METAP1D: variants seen among roughly 807,000 people sequenced by gnomAD.
METAP1D encodes the protein methionyl aminopeptidase type 1D, mitochondrial.
In METAP1D, 31 loss-of-function variants were observed where a neutral mutation model predicts 40.5. That is an observed-to-expected ratio of 0.77 (90% CI 0.58 to 1.03). The LOEUF (loss-of-function observed/expected upper bound fraction) is 1.03, where lower values mean the gene tolerates loss of function less well. METAP1D is among the 50% of genes least tolerant of loss of function. The pLI, the probability that METAP1D is intolerant of heterozygous loss-of-function variation, is 0.00. For synonymous variants in METAP1D, 151 were observed against 146.4 expected, an observed-to-expected ratio of 1.03 and a Z score of -0.22; for missense variants, 411 against 420.7, an observed-to-expected ratio of 0.98 and a Z score of 0.20.
intron 1 of METAP1D, among the ~76,000 whole-genome samples, chr2:172,045,701 G>A (rs201998888): frequency 4.3e-5 from 3 of 70,442 alleles, no homozygotes; most frequent in Middle Eastern, 8.5e-3. Flanking sequence ...TCATATATAT[G>A]TGTGTGTGTG....
At chr2:172,011,284 T>A (rs535452735) in intron 1 of METAP1D, among the ~76,000 whole-genome samples, 97 of 140,220 alleles carry the variant, frequency 6.9e-4, no homozygotes, top group Non-Finnish European at 1.4e-3. Flanking sequence ...TCTTTCTGTT[T>A]CTTTTTTTTT....
At chr2:172,042,672 CGTGTGT>C (rs1194302006) in intron 1 of METAP1D, among the ~76,000 whole-genome samples, 1 of 12,822 alleles carries the variant, frequency 7.8e-5, no homozygotes, top group African/African-American at 1.8e-4. Flanking sequence ...TACACATATA[CGTGTGT>C]ATGTGTATAT....
intron 5 of METAP1D, among the ~76,000 whole-genome samples, chr2:172,068,028 A>G (rs1036670057): frequency 5.3e-5 from 8 of 152,196 alleles, no homozygotes; most frequent in Non-Finnish European, 1.2e-4. Flanking sequence ...TTTAAAACTG[A>G]AAAATGTTTT....
intron 8 of METAP1D, 130 bp from the exon 9 acceptor site, chr2:172,079,998 A>G: frequency 1.4e-6 from 1 of 733,994 alleles, no homozygotes; most frequent in East Asian, 2.6e-5. Flanking sequence ...TTGCAAGATG[A>G]CAACATGAGC....
chr2:172,079,989 T>C, intron 8 of METAP1D, 139 bp from the exon 9 acceptor site: 1 of 699,026 alleles, frequency 1.4e-6, no homozygotes, highest in Non-Finnish European at 2.4e-6. Flanking sequence ...TATCAACCCT[T>C]GCAAGATGAC....
rs1389890370 is a variant in METAP1D at position 172,063,760 on chromosome 2, G to A, written c.248G>A (p.Gly83Glu). ...ACGACAGGCATTGTACCAGACTGGG[G>A]AGACAGCATAGAAGTTAAGAATGAA... is the stretch of plus-strand genomic sequence containing the variant. ...YVTTGIVPDW[G>E]DSIEVKNEDQ... Residue 83 changes from glycine to glutamate, a missense_variant, in exon 3 of 10, where the codon GGA becomes GAA. Gly to Glu is a moderately conservative substitution (Grantham distance 98). Transcript: ENST00000315796. 1.2e-6 allele frequency: 2 copies of A among 1,614,116 alleles called. No individual in the cohort carries two copies. The highest frequency in any genetic ancestry group is 1.7e-5 in the Admixed American group (1 of 60,014).
At position 172,079,279 on chromosome 2, in the gene METAP1D, T is replaced by C. The variant is rs1244571322; in HGVS notation, c.850+17T>C. On this transcript the variant is annotated intron_variant, in intron 8 of 9. Transcript: ENST00000315796. ...TCACTATAGGTAAATTGAGCTCCTCTTCCGAGTGAGTGCGTAGCTCCTGGT... is the reference window on the plus strand; with the variant it reads ...TCACTATAGGTAAATTGAGCTCCTCCTCCGAGTGAGTGCGTAGCTCCTGGT... 1 of 1,613,880 alleles carries C rather than the reference T, an allele frequency of 6.2e-7. No homozygotes were observed. Among genetic ancestry groups the C allele is most frequent in the East Asian group, 2.2e-5 (1 of 44,884 alleles).
rs1317759078 is a variant in METAP1D at position 172,080,410 on chromosome 2, G to A, written c.*4G>A. 15 of 1,613,826 alleles carry A rather than the reference G, an allele frequency of 9.3e-6. No individual in the cohort carries two copies. Among genetic ancestry groups the A allele is most frequent in the African/African-American group, 1.3e-5 (1 of 74,908 alleles). The stretch of plus-strand genomic sequence containing the variant: ...CAAACTACCCCATGAGGCCTGAGGA[G>A]CCGCCCGAAGGTCGCGGTGACCTGG... On this transcript the variant is annotated 3_prime_UTR_variant, in exon 10 of 10. Transcript: ENST00000315796.
chr2:172,023,713 T>C (rs1232750251), intron 1 of METAP1D, among the ~76,000 whole-genome samples: 1 of 152,146 alleles, frequency 6.6e-6, no homozygotes, highest in Non-Finnish European at 1.5e-5. Context: ...AATACTGATC[T>C]TGATCTTTAA....
intron 1 of METAP1D, among the ~76,000 whole-genome samples, chr2:172,001,139 C>CT (rs1175844618): frequency 6.6e-6 from 1 of 151,926 alleles, no homozygotes; most frequent in Non-Finnish European, 1.5e-5. Context: ...GAACATGACT[C>CT]TAATTTTTTT....
chr2:172,030,117 T>C (rs374217875), intron 1 of METAP1D, among the ~76,000 whole-genome samples: 1 of 150,610 alleles, frequency 6.6e-6, no homozygotes, highest in Non-Finnish European at 1.5e-5. Context: ...GAGGCAGAGT[T>C]TCACTCTTGT....
At chr2:172,058,657 A>C (rs1162857892) in intron 1 of METAP1D, among the ~76,000 whole-genome samples, 2 of 152,164 alleles carry the variant, frequency 1.3e-5, no homozygotes, top group Admixed American at 1.3e-4. Flanking sequence ...CTGGGACTAC[A>C]TGTATGTGCC....
intron 1 of METAP1D, among the ~76,000 whole-genome samples, chr2:172,036,189 T>TCAC (rs1689377738): frequency 6.7e-6 from 1 of 149,234 alleles, no homozygotes; most frequent in African/African-American, 2.5e-5. Flanking sequence ...TGGTGGCGGG[T>TCAC]GCCTGTAGTC....
At chr2:172,064,217 C>T (rs1213479042) in intron 3 of METAP1D, 1 of 178,158 alleles carries the variant, frequency 5.6e-6, no homozygotes, top group Non-Finnish European at 1.2e-5. Context: ...CACATTATTT[C>T]TGTGTGCTTG....
chr2:172,035,462 C>A (rs1243453795), intron 1 of METAP1D, among the ~76,000 whole-genome samples: 1 of 152,020 alleles, frequency 6.6e-6, no homozygotes, highest in African/African-American at 2.4e-5. Flanking sequence ...CCACCCCCGG[C>A]CTACTGTACT....
chr2:172,026,244 C>T (rs1056266530), intron 1 of METAP1D, among the ~76,000 whole-genome samples: 2 of 152,136 alleles, frequency 1.3e-5, no homozygotes, highest in African/African-American at 4.8e-5. Flanking sequence ...CTAGATTTCG[C>T]TTTTTGGGTC....
rs181969346 is a variant in METAP1D at position 172,026,479 on chromosome 2, G to T, written c.40+26470G>T. Among the ~76,000 whole-genome samples, 11 of 152,208 alleles carry T rather than the reference G, an allele frequency of 7.2e-5. No homozygotes were observed. The South Asian group carries it at 1.0e-3, about 14-fold the overall frequency. On this transcript the variant is annotated intron_variant, in intron 1 of 9. Transcript: ENST00000315796. The stretch of plus-strand genomic sequence containing the variant: ...CTGAGATCCTTTATTTCCTTAGGGA[G>T]AGCCCCATATTTTAACTTAGTGAGT...
At chr2:172,072,566 A>G (rs887603032) in intron 6 of METAP1D, 1 of 165,708 alleles carries the variant, frequency 6.0e-6, no homozygotes, top group African/African-American at 2.4e-5. Flanking sequence ...TAATTGTGCA[A>G]CACAGCTGCA....
At chr2:172,000,033 G>A in intron 1 of METAP1D, 24 bp downstream of exon 1, 1 of 1,303,966 alleles carries the variant, frequency 7.7e-7, no homozygotes, top group South Asian at 2.3e-5. Context: ...GGAGAGCCCC[G>A]TGAGGGTTCG....
Sources: gnomAD v4.1 joint callset for allele counts (sites outside exome capture counted in the v4.1 genomes callset) on GRCh38, gnomAD v4.1.1 for gene constraint, MANE v1.5 for transcripts, NCBI Gene and HGNC (gene_info 2026-07-23, HGNC 2026-07-21) for gene names.